Variants in NPDC1 observed in about 807,000 individuals in gnomAD.
NPDC1 encodes neural proliferation differentiation and control protein 1.
NPDC1 carries 18 observed loss-of-function variants against 32.5 expected under a neutral mutation model. The observed-to-expected ratio is 0.55, with a 90% CI of 0.38 to 0.82. NPDC1 has a LOEUF of 0.82. Ranked by LOEUF, NPDC1 falls within the 40% of genes least tolerant of loss-of-function variation. The pLI is 0.00. For synonymous variants in NPDC1, 210 were observed against 184.7 expected (o/e 1.14, Z -1.11); for missense variants, 468 against 406.6 (o/e 1.15, Z -1.30).
rs910284550 is a variant in NPDC1 at position 137,046,122 on chromosome 9, G to A, written c.-133C>T. 9 of 1,093,360 alleles carry A rather than the reference G, an allele frequency of 8.2e-6. No individual in the cohort carries two copies. Among genetic ancestry groups the A allele is most frequent in the Non-Finnish European group, 1.0e-5 (9 of 898,494 alleles). The allele number at this position is 1,093,360 out of a possible 1,614,324, so 67.7% of individuals were successfully genotyped here. On this transcript the variant is annotated 5_prime_UTR_variant, in exon 1 of 9. Transcript: ENST00000371601. ...GGAAGAAGAGGCGGATGCCAAGGAG[G>A]AGGAGGAGGAAGAGGAAAGGCACGG...
chr9:137,042,803 C>G (rs1246953220), intron 2 of NPDC1, 124 bp downstream of exon 2: 3 of 1,218,332 alleles, frequency 2.5e-6, no homozygotes, highest in Non-Finnish European at 3.4e-6. Flanking sequence ...TGAGATCCAA[C>G]AGCCTGGGCC....
chr9:137,045,852 G>A (rs1832122707), intron 1 of NPDC1, 26 bp downstream of exon 1: 30 of 1,007,750 alleles, frequency 3.0e-5, no homozygotes, highest in African/African-American at 3.5e-5. Context: ...GGCGCCCCGC[G>A]GCCTGCGCCC....
intron 1 of NPDC1, among the ~76,000 whole-genome samples, chr9:137,045,321 G>C (rs773284157): frequency 1.3e-5 from 2 of 152,272 alleles, no homozygotes; most frequent in African/African-American, 4.8e-5. Context: ...ATTGAAGCTA[G>C]AACAGCACCC....
intron 1 of NPDC1, chr9:137,043,831 G>A (rs1381919825): frequency 5.6e-6 from 1 of 179,442 alleles, no homozygotes; most frequent in Non-Finnish European, 1.2e-5. Context: ...GAGGGGCCCA[G>A]GCCACGGTGC....
At chr9:137,041,465 T>C (rs1832054832) in intron 2 of NPDC1, among the ~76,000 whole-genome samples, 1 of 152,064 alleles carries the variant, frequency 6.6e-6, no homozygotes, top group South Asian at 2.1e-4. Flanking sequence ...CCCCAACCCA[T>C]GTCCATAAAG....
intron 7 of NPDC1, 140 bp downstream of exon 7, chr9:137,040,217 C>G: frequency 1.2e-6 from 1 of 807,768 alleles, no homozygotes; most frequent in Non-Finnish European, 2.0e-6. Flanking sequence ...GGGTGCAGGG[C>G]GGCGGGGGAG....
rs1363884396 is a variant in NPDC1 at position 137,040,067 on chromosome 9, C to T, written c.789G>A (p.Arg263=). The T allele has an allele frequency of 1.3e-6, 1 of 777,376 alleles. No individual in the cohort carries two copies. Among genetic ancestry groups the T allele is most frequent in the Non-Finnish European group, 2.4e-6 (1 of 417,664 alleles). 48.2% of individuals were successfully genotyped at this position (777,376 alleles called of 1,614,324 possible). Residue 263 remains arginine, a splice_region_variant and synonymous_variant, in exon 8 of 9, where the codon CGG becomes CGA. Coordinates refer to ENST00000371601, the MANE Select transcript of NPDC1 (RefSeq NM_015392.4). ...CCAGCTCCTTGGGTGGCTCTTTATG[C>T]CTGGGTGGGGGGGGATCGCTGGGTC... ...HQRQQMLCLE[R]HKEPPKELDT... is the part of the protein sequence containing the mutation.
At position 137,039,583 on chromosome 9, in the gene NPDC1, A is replaced by C; in HGVS notation, c.*189T>G. On this transcript the variant is annotated 3_prime_UTR_variant, in exon 9 of 9. Transcript: ENST00000371601. The stretch of plus-strand genomic sequence containing the variant: ...GGTCTAAACCGAACAGGAGAGGTGC[A>C]GGGGACCAGGAGGTGTCCTGGCACA... 1 of 574,874 alleles carries C rather than the reference A, an allele frequency of 1.7e-6. No homozygotes were observed. The highest frequency in any genetic ancestry group is 3.1e-6 in the Non-Finnish European group (1 of 324,978). 35.6% of individuals were successfully genotyped at this position (574,874 alleles called of 1,614,324 possible). A position where few individuals can be genotyped will look rare whatever the true frequency, so the allele number is the denominator to read the frequency against.
chr9:137,042,074 C>T (rs983950844), intron 2 of NPDC1, among the ~76,000 whole-genome samples: 1 of 152,236 alleles, frequency 6.6e-6, no homozygotes, highest in Non-Finnish European at 1.5e-5. Context: ...CATTTCACAT[C>T]GTGCAGCCCT....
intron 1 of NPDC1, 197 bp from the exon 2 acceptor site, chr9:137,043,270 C>G: frequency 1.4e-6 from 1 of 732,302 alleles, no homozygotes; most frequent in Non-Finnish European, 2.5e-6. Context: ...TAGGACTTAT[C>G]AGAACTACCC....
chr9:137,040,153 GC>G (rs1254924351), intron 7 of NPDC1, 86 bp from the exon 8 acceptor site: 14 of 712,926 alleles, frequency 2.0e-5, no homozygotes, highest in Middle Eastern at 2.9e-4. Flanking sequence ...GCCCACCTCA[GC>G]CCTGGGGTGG....
rs1832124744 is a variant in NPDC1 at position 137,046,003 on chromosome 9, C to T, written c.-14G>A. ...CGGCGTCGCCATCCTTCAGCGCCGC[C>T]GCCGGGGCAGCATGGCACCGCGAGG... On this transcript the variant is annotated 5_prime_UTR_variant, in exon 1 of 9. Transcript: ENST00000371601. The T allele has an allele frequency of 2.5e-6, 3 of 1,191,510 alleles. No homozygotes were observed. The highest frequency in any genetic ancestry group is 3.1e-6 in the Non-Finnish European group (3 of 961,846). 73.8% of individuals were successfully genotyped at this position (1,191,510 alleles called of 1,614,324 possible). A position where few individuals can be genotyped will look rare whatever the true frequency, so the allele number is the denominator to read the frequency against.
At chr9:137,043,491 G>C (rs1299730381) in intron 1 of NPDC1, 1 of 612,810 alleles carries the variant, frequency 1.6e-6, no homozygotes, top group South Asian at 2.0e-5. Flanking sequence ...TGTCTCTGGG[G>C]AGCAGCAAAC....
At position 137,040,648 on chromosome 9, in the gene NPDC1, C is replaced by T. The variant is rs757746907; in HGVS notation, c.623+23G>A. The T allele has an allele frequency of 7.7e-6, 12 of 1,565,348 alleles. No individual in the cohort carries two copies. The East Asian group carries it at 2.8e-4, about 36-fold the overall frequency. On this transcript the variant is annotated intron_variant, in intron 5 of 8. Transcript: ENST00000371601. ...TCTGAGCGTGTGGCACCCTCCCTGC[C>T]CTGCCCGCGGCCACTGGCTCACCTG...
Position 137,041,067 on chromosome 9 carries a change from T to A in NPDC1, c.380A>T (p.Glu127Val), listed in dbSNP as rs1832043797. ...AGGGGAAGCGGGGGTCTCACCAGGC[T>A]CCGGGAGCCGCTGTCGGTCCTTGGG... ...PLPKDRQRLPEPATLGFSARG... is the reference protein window; with the variant it reads ...PLPKDRQRLPVPATLGFSARG... Residue 127 changes from glutamate (E) to valine (V), a missense_variant, in exon 3 of 9, where the codon GAG becomes GTG. Transcript: ENST00000371601. The A allele has an allele frequency of 6.6e-7, 1 of 1,521,162 alleles. No individual in the cohort carries two copies. Among genetic ancestry groups the A allele is most frequent in the Admixed American group, 2.2e-5 (1 of 45,180 alleles). The allele number at this position is 1,521,162 out of a possible 1,614,324, so 94.2% of individuals were successfully genotyped here.
At chr9:137,042,746 C>T (rs936053467) in intron 2 of NPDC1, 181 bp downstream of exon 2, 21 of 648,730 alleles carry the variant, frequency 3.2e-5, no homozygotes, top group South Asian at 1.5e-4. Flanking sequence ...TTAGTAGAGA[C>T]GGGGTTTCAC....
intron 4 of NPDC1, 27 bp downstream of exon 4, chr9:137,040,787 C>A (rs779461513): frequency 3.2e-6 from 5 of 1,584,662 alleles, no homozygotes; most frequent in Non-Finnish European, 4.3e-6. Flanking sequence ...GCCCTGCTGC[C>A]CCTGCCCACC....
intron 7 of NPDC1, 23 bp from the exon 8 acceptor site, chr9:137,040,090 G>C (rs1270839246): frequency 1.3e-6 from 1 of 773,602 alleles, no homozygotes; most frequent in Non-Finnish European, 2.4e-6. Flanking sequence ...GGATCGCTGG[G>C]TCCTCCCCAT....
intron 7 of NPDC1, 134 bp downstream of exon 7, chr9:137,040,223 G>A (rs1832025253): frequency 2.4e-6 from 2 of 848,884 alleles, no homozygotes; most frequent in Non-Finnish European, 3.7e-6. Flanking sequence ...AGGGCGGCGG[G>A]GGAGGTGAAG....
Sources: gnomAD v4.1 joint callset for allele counts (sites outside exome capture counted in the v4.1 genomes callset) on GRCh38, gnomAD v4.1.1 for gene constraint, MANE v1.5 for transcripts, NCBI Gene and HGNC (gene_info 2026-07-23, HGNC 2026-07-21) for gene names.